OLA1: variants seen among roughly 807,000 people sequenced by gnomAD.
The protein encoded by OLA1 is obg-like ATPase 1.
OLA1 carries 14 observed loss-of-function variants against 48.4 expected under a neutral mutation model. The ratio of observed to expected loss-of-function variants is 0.29; its 90% CI spans 0.19 to 0.45. The LOEUF (loss-of-function observed/expected upper bound fraction) is 0.45, where lower values mean the gene tolerates loss of function less well. Ranked by LOEUF, OLA1 falls within the 20% of genes least tolerant of loss-of-function variation. The pLI is 1.00. For synonymous variants in OLA1, 127 were observed against 150.4 expected, an observed-to-expected ratio of 0.84 and a Z score of 1.14; for missense variants, 325 against 467.1, an observed-to-expected ratio of 0.70 and a Z score of 2.80.
At chr2:174,098,656 C>G (rs1314767966) in intron 7 of OLA1, among the ~76,000 whole-genome samples, 1 of 152,102 alleles carries the variant, frequency 6.6e-6, no homozygotes, top group African/African-American at 2.4e-5. Context: ...TGCCATGGAA[C>G]TTTCTAAAGT....
intron 10 of OLA1, among the ~76,000 whole-genome samples, chr2:174,077,261 A>G (rs1028546352): frequency 6.6e-6 from 1 of 152,218 alleles, no homozygotes; most frequent in African/African-American, 2.4e-5. Context: ...AGAGCTATTC[A>G]GTATATAGTT....
At chr2:174,111,807 G>C (rs1329240865) in intron 7 of OLA1, among the ~76,000 whole-genome samples, 2 of 152,072 alleles carry the variant, frequency 1.3e-5, no homozygotes, top group African/African-American at 4.8e-5. Context: ...GTCAGTACAT[G>C]GTTAAAAACA....
In OLA1 at chr2:174,163,037, G is replaced by C. The variant is rs1054593685; in HGVS notation, c.374-21037C>G. Among the ~76,000 whole-genome samples the C allele has an allele frequency of 3.3e-5, 5 of 151,900 alleles. 1 individual carries two copies. The East Asian group carries it at 7.7e-4, about 24-fold the overall frequency. On this transcript the variant is annotated intron_variant, in intron 4 of 10. Coordinates refer to ENST00000284719, the MANE Select transcript of OLA1 (RefSeq NM_013341.5). ...CCAGCCTGGGCAACAGAGTGAGACT[G>C]TCTCAAACAAAGAAAAGAACCACTG...
At chr2:174,119,854 C>T (rs1025445543) in intron 7 of OLA1, among the ~76,000 whole-genome samples, 1 of 152,026 alleles carries the variant, frequency 6.6e-6, no homozygotes, top group Non-Finnish European at 1.5e-5. Flanking sequence ...AATTTCATCA[C>T]TCAGATTAAT....
intron 7 of OLA1, among the ~76,000 whole-genome samples, chr2:174,103,116 G>A (rs547886583): frequency 1.4e-4 from 22 of 152,176 alleles, no homozygotes; most frequent in African/African-American, 5.3e-4. Context: ...GAGGGAGGAA[G>A]AACTGATGAT....
Position 174,077,080 on chromosome 2 carries a change from C to T in OLA1, c.1090-1553G>A, listed in dbSNP as rs140739320. ...TCCATTTCCACTGCTATCAGAAACA[C>T]TGGTTGAAAAAAAAAATCAATACCC... On this transcript the variant is annotated intron_variant, in intron 10 of 10. Coordinates refer to ENST00000284719, the MANE Select transcript of OLA1 (RefSeq NM_013341.5). Among the ~76,000 whole-genome samples the T allele has an allele frequency of 5.1e-4, 78 of 151,972 alleles. 1 individual carries two copies. In the Middle Eastern group the frequency reaches 0.014, roughly 27 times the overall value.
At chr2:174,243,644 C>T (rs922103218) in intron 2 of OLA1, among the ~76,000 whole-genome samples, 1 of 152,106 alleles carries the variant, frequency 6.6e-6, no homozygotes, top group African/African-American at 2.4e-5. Context: ...CGGTACCTTC[C>T]TACCTTCACA....
intron 4 of OLA1, among the ~76,000 whole-genome samples, chr2:174,163,763 TATATATA>T (rs1558984648): frequency 0.01 from 333 of 32,996 alleles, 38 homozygotes; most frequent in Middle Eastern, 0.025. Context: ...TATATATATA[TATATATA>T]TATATAAATA....
intron 9 of OLA1, among the ~76,000 whole-genome samples, chr2:174,080,664 G>A (rs747027590): frequency 1.3e-5 from 2 of 152,000 alleles, no homozygotes; most frequent in East Asian, 1.9e-4. Flanking sequence ...ATTATTACAC[G>A]TTGAGTTTAG....
intron 4 of OLA1, among the ~76,000 whole-genome samples, chr2:174,186,984 T>C (rs1254878760): frequency 6.6e-6 from 1 of 151,600 alleles, no homozygotes; most frequent in Non-Finnish European, 1.5e-5. Flanking sequence ...AAAATGAAGA[T>C]CTCCATCATG....
At chr2:174,204,863 CA>C (rs1203312347) in intron 4 of OLA1, among the ~76,000 whole-genome samples, 2 of 152,172 alleles carry the variant, frequency 1.3e-5, no homozygotes, top group African/African-American at 4.8e-5. Flanking sequence ...CTCCGAGAAT[CA>C]GTTTCCCCAT....
chr2:174,219,327 T>C (rs567489875), intron 4 of OLA1, among the ~76,000 whole-genome samples: 4 of 149,880 alleles, frequency 2.7e-5, no homozygotes, highest in Non-Finnish European at 5.9e-5. Flanking sequence ...TTTATGCTCA[T>C]ACATCATCTA....
chr2:174,084,130 C>CA (rs1461850327), intron 7 of OLA1, among the ~76,000 whole-genome samples: 2 of 152,088 alleles, frequency 1.3e-5, no homozygotes, highest in East Asian at 3.8e-4. Context: ...CTATAATTGG[C>CA]AAAAAACCTG....
At chr2:174,215,613 T>C (rs539053435) in intron 4 of OLA1, among the ~76,000 whole-genome samples, 1 of 152,346 alleles carries the variant, frequency 6.6e-6, no homozygotes, top group Non-Finnish European at 1.5e-5. Flanking sequence ...TAGATACTTG[T>C]CAATTTTATC....
chr2:174,129,259 C>A (rs533164788), intron 5 of OLA1, among the ~76,000 whole-genome samples: 1 of 152,006 alleles, frequency 6.6e-6, no homozygotes, highest in African/African-American at 2.4e-5. Flanking sequence ...GAGATCGATA[C>A]CATCCTGGCT....
chr2:174,078,683 C>T (rs868651457), intron 10 of OLA1, among the ~76,000 whole-genome samples: 8 of 151,880 alleles, frequency 5.3e-5, no homozygotes, highest in Middle Eastern at 3.4e-3. Flanking sequence ...TGAACAAATT[C>T]TTCGAAATTA....
chr2:174,192,917 TTTC>T (rs1050337277), intron 4 of OLA1, among the ~76,000 whole-genome samples: 1 of 152,122 alleles, frequency 6.6e-6, no homozygotes, highest in Admixed American at 6.5e-5. Context: ...CCTTAGAGAT[TTTC>T]TTTTTACCTT....
intron 4 of OLA1, among the ~76,000 whole-genome samples, chr2:174,174,205 A>C (rs866877311): frequency 2.0e-5 from 3 of 152,214 alleles, no homozygotes; most frequent in Admixed American, 6.5e-5. Flanking sequence ...CCCTGCTATC[A>C]AATTCAGACA....
intron 4 of OLA1, among the ~76,000 whole-genome samples, chr2:174,194,765 G>C (rs1000077388): frequency 6.6e-6 from 1 of 151,972 alleles, no homozygotes; most frequent in South Asian, 2.1e-4. Flanking sequence ...TTCTTCTTTC[G>C]ATTGCACCCT....
Sources: gnomAD v4.1 joint callset for allele counts (sites outside exome capture counted in the v4.1 genomes callset) on GRCh38, gnomAD v4.1.1 for gene constraint, MANE v1.5 for transcripts, NCBI Gene and HGNC (gene_info 2026-07-23, HGNC 2026-07-21) for gene names.